Variants in NUP153 observed in about 807,000 individuals in gnomAD.
NUP153 encodes the protein nucleoporin 153, also known as nuclear pore complex protein Nup153.
NUP153 carries 27 observed loss-of-function variants against 134.6 expected under a neutral mutation model. The ratio of observed to expected loss-of-function variants is 0.20; its 90% CI spans 0.15 to 0.28. The LOEUF (loss-of-function observed/expected upper bound fraction) is 0.28. Ranked by LOEUF, NUP153 falls within the 10% of genes least tolerant of loss-of-function variation. NUP153 has a pLI of 1.00. For synonymous variants in NUP153, 640 were observed against 623.5 expected (o/e 1.03, Z -0.40); for missense variants, 1,821 against 1,731.3 (o/e 1.05, Z -0.92).
At chr6:17,647,476 TATATC>T (rs1766258992) in intron 13 of NUP153, among the ~76,000 whole-genome samples, 1 of 152,220 alleles carries the variant, frequency 6.6e-6, no homozygotes, top group Non-Finnish European at 1.5e-5. Context: ...ATGTCGTTAT[TATATC>T]ATGTCAAATT....
At chr6:17,658,610 G>C (rs1016621875) in intron 11 of NUP153, among the ~76,000 whole-genome samples, 4 of 152,160 alleles carry the variant, frequency 2.6e-5, no homozygotes, top group African/African-American at 9.7e-5. Flanking sequence ...AGTTGCCAAA[G>C]AACTCAACGT....
intron 1 of NUP153, among the ~76,000 whole-genome samples, chr6:17,690,070 A>G (rs1027859624): frequency 1.3e-5 from 2 of 152,092 alleles, no homozygotes; most frequent in African/African-American, 2.4e-5. Flanking sequence ...GACAGAGTAA[A>G]AGTATGGGCT....
rs547221102 is a variant in NUP153 at position 17,637,419 on chromosome 6, A to G, written c.2198T>C (p.Val733Ala). ...TTTTATTGCTTCAGGTTTATTTTGCACTAAACAGGTATCACAATCCCAAGT... is the reference window on the plus strand; with the variant it reads ...TTTTATTGCTTCAGGTTTATTTTGCGCTAAACAGGTATCACAATCCCAAGT... ...IGTWDCDTCL[V>A]QNKPEAIKCV... The change falls in exon 16 of 22, where the codon GTG (valine) becomes GCG (alanine). Residue 733 changes from valine to alanine, a missense_variant. Physicochemically the swap from Val to Ala is moderately conservative, Grantham distance 64. Coordinates refer to ENST00000262077, the MANE Select transcript of NUP153 (RefSeq NM_005124.4). The G allele has an allele frequency of 6.2e-7, 1 of 1,614,216 alleles. No homozygotes were observed. Among genetic ancestry groups the G allele is most frequent in the South Asian group, 1.1e-5 (1 of 91,084 alleles).
Position 17,675,201 on chromosome 6 carries a change from G to A in NUP153, c.723+28C>T, listed in dbSNP as rs906955114. On this transcript the variant is annotated intron_variant, in intron 4 of 21. Coordinates refer to ENST00000262077, the MANE Select transcript of NUP153 (RefSeq NM_005124.4). The surrounding 1 kb of genome is among the most constrained non-coding windows in gnomAD (Gnocchi z 4.4). ...AGCAATAAACACTCAAAACTAATGT[G>A]ATTAAATCCAACCCAGTTAGTACTC... 12 of 1,611,142 alleles carry A rather than the reference G, an allele frequency of 7.4e-6. No individual in the cohort carries two copies. The highest frequency in any genetic ancestry group is 1.0e-5 in the Non-Finnish European group (12 of 1,178,548).
At chr6:17,649,051 T>C (rs1400272106) in intron 12 of NUP153, 112 bp downstream of exon 12, 4 of 974,336 alleles carry the variant, frequency 4.1e-6, no homozygotes, top group Non-Finnish European at 4.4e-6. Flanking sequence ...CTGTTTACTA[T>C]GTTATTAATT....
Position 17,637,583 on chromosome 6 carries a change from G to A in NUP153, c.2034C>T (p.Cys678=). Residue 678 remains cysteine, a synonymous_variant, in exon 16 of 22, where the codon TGC becomes TGT. Coordinates refer to ENST00000262077, the MANE Select transcript of NUP153 (RefSeq NM_005124.4). Reference sequence around the variant, plus strand: ...ACAATTTTGCTGCTTGACAGGCTATGCATTTGTTGTCTGTAACTTTGTTCT... The same window carrying A: ...ACAATTTTGCTGCTTGACAGGCTATACATTTGTTGTCTGTAACTTTGTTCT... ...LLQNKVTDNK[C]IACQAAKLSP... is the part of the protein sequence containing the mutation. 6.2e-7 allele frequency: 1 copy of A among 1,614,086 alleles called. No individual in the cohort carries two copies. The highest frequency in any genetic ancestry group is 8.5e-7 in the Non-Finnish European group (1 of 1,180,004).
intron 20 of NUP153, among the ~76,000 whole-genome samples, chr6:17,620,852 A>G (rs1320975469): frequency 6.6e-6 from 1 of 152,202 alleles, no homozygotes; most frequent in Non-Finnish European, 1.5e-5. Context: ...CAACAAAAAC[A>G]AAAATAGACA....
chr6:17,704,352 A>AC lies in NUP153; in HGVS notation c.111+1924dup, dbSNP rs1770332536. Reference sequence around the variant, plus strand: ...TCTGGAAAATATTAATTCCCTTCTAACCTCTATTCAGACCATCCAATGACC... The same window carrying AC: ...TCTGGAAAATATTAATTCCCTTCTAACCCTCTATTCAGACCATCCAATGACC... On this transcript the variant is annotated intron_variant, in intron 1 of 21. Transcript: ENST00000262077. Among the ~76,000 whole-genome samples the AC allele has an allele frequency of 2.0e-5, 3 of 152,154 alleles. No individual in the cohort carries two copies. The South Asian group carries it at 6.2e-4, about 31-fold the overall frequency.
intron 1 of NUP153, among the ~76,000 whole-genome samples, chr6:17,701,118 G>C (rs191906869): frequency 6.6e-6 from 1 of 152,042 alleles, no homozygotes; most frequent in Non-Finnish European, 1.5e-5. Context: ...CCAGCTACTT[G>C]GGAGGCTGAA....
Position 17,625,736 on chromosome 6 carries a change from T to G in NUP153, c.3901+72A>C, listed in dbSNP as rs1038465479. On this transcript the variant is annotated intron_variant, in intron 19 of 21. Coordinates refer to ENST00000262077, the MANE Select transcript of NUP153 (RefSeq NM_005124.4). The surrounding 1 kb of genome is among the most constrained non-coding windows in gnomAD (Gnocchi z 4.7). Reference sequence around the variant, plus strand: ...TTTTGTGATAACCTGCTATATGATATTCGCTAAGAACTGACACACTAATAA... The same window carrying G: ...TTTTGTGATAACCTGCTATATGATAGTCGCTAAGAACTGACACACTAATAA... 6 of 1,161,638 alleles carry G rather than the reference T, an allele frequency of 5.2e-6. No homozygotes were observed. The highest frequency in any genetic ancestry group is 7.6e-6 in the Non-Finnish European group (6 of 791,066). 72.0% of individuals were successfully genotyped at this position (1,161,638 alleles called of 1,614,324 possible).
intron 8 of NUP153, 121 bp downstream of exon 8, chr6:17,668,851 AAAG>A (rs1268789786): frequency 1.5e-6 from 1 of 676,668 alleles, no homozygotes; most frequent in Admixed American, 3.4e-5. Context: ...TCAAAAAAAA[AAAG>A]AATATTATTT....
At chr6:17,676,405 C>T (rs138648653) in intron 2 of NUP153, among the ~76,000 whole-genome samples, 3 of 147,026 alleles carry the variant, frequency 2.0e-5, no homozygotes, top group Non-Finnish European at 3.0e-5. Context: ...TACTTCTGCA[C>T]GAGTACCAAA....
At chr6:17,699,880 C>T (rs191346142) in intron 1 of NUP153, among the ~76,000 whole-genome samples, 1 of 152,242 alleles carries the variant, frequency 6.6e-6, no homozygotes, top group East Asian at 1.9e-4. Flanking sequence ...CATCAGACTA[C>T]AATTTTTATT....
intron 20 of NUP153, among the ~76,000 whole-genome samples, chr6:17,621,320 G>C (rs1357310787): frequency 6.6e-6 from 1 of 152,086 alleles, no homozygotes; most frequent in Admixed American, 6.6e-5. Flanking sequence ...TCTAAAAATA[G>C]AATCACCTTA....
chr6:17,653,731 G>C (rs1482598325), intron 11 of NUP153, among the ~76,000 whole-genome samples: 1 of 152,176 alleles, frequency 6.6e-6, no homozygotes, highest in Admixed American at 6.5e-5. Flanking sequence ...CTCTGGGGTA[G>C]GAGGTGACGG....
intron 14 of NUP153, among the ~76,000 whole-genome samples, chr6:17,642,449 C>T (rs768058437): frequency 6.6e-6 from 1 of 151,974 alleles, no homozygotes. Context: ...CAATAAGCAC[C>T]TGAAAAAAAT....
chr6:17,625,708 C>A lies in NUP153; in HGVS notation c.3901+100G>T. The A allele has an allele frequency of 2.2e-6, 2 of 911,492 alleles. No homozygotes were observed. Among genetic ancestry groups the A allele is most frequent in the Non-Finnish European group, 1.7e-6 (1 of 574,954 alleles). 56.5% of individuals were successfully genotyped at this position (911,492 alleles called of 1,614,324 possible). The stretch of plus-strand genomic sequence containing the variant: ...TATAGATGACCAAAAGGCATTCCCA[C>A]CATTTTGTGATAACCTGCTATATGA... On this transcript the variant is annotated intron_variant, in intron 19 of 21. Coordinates refer to ENST00000262077, the MANE Select transcript of NUP153 (RefSeq NM_005124.4). The surrounding 1 kb of genome is among the most constrained non-coding windows in gnomAD (Gnocchi z 4.7).
chr6:17,702,584 G>A (rs538973227), intron 1 of NUP153, among the ~76,000 whole-genome samples: 25 of 151,564 alleles, frequency 1.6e-4, no homozygotes, highest in Non-Finnish European at 2.8e-4. Flanking sequence ...GCTGAGGCAG[G>A]AGAATAGCTT....
At chr6:17,663,856 G>A (rs1767349929) in intron 9 of NUP153, among the ~76,000 whole-genome samples, 1 of 151,918 alleles carries the variant, frequency 6.6e-6, no homozygotes, top group Non-Finnish European at 1.5e-5. Context: ...AAGACAACTG[G>A]CCTGGTCTCT....
Sources: gnomAD v4.1 joint callset for allele counts (sites outside exome capture counted in the v4.1 genomes callset) on GRCh38, gnomAD v4.1.1 for gene constraint, Gnocchi (gnomAD v3.1) non-coding constraint, MANE v1.5 for transcripts, NCBI Gene and HGNC (gene_info 2026-07-23, HGNC 2026-07-21) for gene names.